ZCWPW2: variants seen among roughly 807,000 people sequenced by gnomAD.
The protein encoded by ZCWPW2 is zinc finger CW-type PWWP domain protein 2.
In ZCWPW2, 45 loss-of-function variants were observed where a neutral mutation model predicts 46.6. That is an observed-to-expected ratio of 0.96 (90% CI 0.76 to 1.24). ZCWPW2 has a LOEUF of 1.24. Ranked by LOEUF, ZCWPW2 falls within the 50% of genes most tolerant of loss-of-function variation. The pLI, the probability that ZCWPW2 is intolerant of heterozygous loss-of-function variation, is 0.00. For synonymous variants in ZCWPW2, 152 were observed against 137.1 expected, an observed-to-expected ratio of 1.11 and a Z score of -0.76; for missense variants, 429 against 403.9, an observed-to-expected ratio of 1.06 and a Z score of -0.53.
intron 1 of ZCWPW2, among the ~76,000 whole-genome samples, chr3:28,389,448 G>A (rs1695402561): frequency 6.6e-6 from 1 of 152,108 alleles, no homozygotes; most frequent in Non-Finnish European, 1.5e-5. Context: ...CCCAGATCTT[G>A]GCTTTTATAA....
chr3:28,493,551 G>A (rs1167739441), intron 6 of ZCWPW2, among the ~76,000 whole-genome samples: 6 of 117,988 alleles, frequency 5.1e-5, no homozygotes, highest in African/African-American at 2.8e-5. Flanking sequence ...GCCTATCATC[G>A]TTGGACATTT....
At chr3:28,386,841 G>A (rs925637617) in intron 1 of ZCWPW2, among the ~76,000 whole-genome samples, 1 of 151,842 alleles carries the variant, frequency 6.6e-6, no homozygotes, top group Non-Finnish European at 1.5e-5. Context: ...TTTGTGATTG[G>A]GTGATCAACT....
chr3:28,429,578 A>G (rs541739537), intron 3 of ZCWPW2, among the ~76,000 whole-genome samples: 2 of 152,354 alleles, frequency 1.3e-5, no homozygotes, highest in Admixed American at 6.5e-5. Flanking sequence ...AGAAATTTGC[A>G]TAGTAACAAG....
At position 28,502,312 on chromosome 3, in the gene ZCWPW2, A is replaced by C. The variant is rs140926310; in HGVS notation, c.657+10139A>C. On this transcript the variant is annotated intron_variant, in intron 6 of 9. Transcript: ENST00000383768. ...AAATCCTTTTATACACCATTTATGA[A>C]GGCAAGCAAAGAATCCCTTGCTTCA... Among the ~76,000 whole-genome samples, 93 of 152,284 alleles carry C rather than the reference A, an allele frequency of 6.1e-4. 2 individuals carry two copies. The East Asian group carries it at 0.015, about 25-fold the overall frequency.
At chr3:28,409,957 G>A (rs1575104002) in intron 2 of ZCWPW2, among the ~76,000 whole-genome samples, 1 of 152,096 alleles carries the variant, frequency 6.6e-6, no homozygotes, top group South Asian at 2.1e-4. Flanking sequence ...GCAGAGATAA[G>A]GAAACCCATA....
rs1189503406 is a variant in ZCWPW2, at chr3:28,348,927, G to C, written c.-410G>C. ...CCCGCCGTCGGGACCAGCACGGGCC[G>C]GAGGGAGGGGAAGCACTCCGGAAAG... is the stretch of plus-strand genomic sequence containing the variant. On this transcript the variant is annotated 5_prime_UTR_variant, in exon 1 of 10. Coordinates refer to ENST00000383768, the MANE Select transcript of ZCWPW2 (RefSeq NM_001040432.4). The C allele has an allele frequency of 1.0e-6, 1 of 983,802 alleles. No individual in the cohort carries two copies. Among genetic ancestry groups the C allele is most frequent in the African/African-American group, 1.7e-5 (1 of 57,202 alleles). 60.9% of individuals were successfully genotyped at this position (983,802 alleles called of 1,614,324 possible).
rs550058135 is a variant in ZCWPW2, at chr3:28,355,795, A to C, written c.-134+6592A>C. Among the ~76,000 whole-genome samples the C allele has an allele frequency of 5.9e-5, 9 of 152,394 alleles. No individual in the cohort carries two copies. In the South Asian group the frequency reaches 1.9e-3, roughly 32 times the overall value. On this transcript the variant is annotated intron_variant, in intron 1 of 9. Transcript: ENST00000383768. ...ATGGTGCTGGGAAAAGTGGCTAGCC[A>C]TATGTAAAAGCTGAAACTGGATCCC... is the stretch of plus-strand genomic sequence containing the variant.
At chr3:28,483,889 T>A (rs1699510252) in intron 5 of ZCWPW2, among the ~76,000 whole-genome samples, 1 of 152,182 alleles carries the variant, frequency 6.6e-6, no homozygotes, top group African/African-American at 2.4e-5. Flanking sequence ...TGGTCTATTC[T>A]TTTGGATTTA....
chr3:28,378,649 A>C (rs1183989605), intron 1 of ZCWPW2, among the ~76,000 whole-genome samples: 1 of 152,162 alleles, frequency 6.6e-6, no homozygotes, highest in African/African-American at 2.4e-5. Flanking sequence ...GATGATGTTC[A>C]ACTGATACAC....
intron 6 of ZCWPW2, among the ~76,000 whole-genome samples, chr3:28,503,444 C>T (rs1360489272): frequency 6.6e-6 from 1 of 152,102 alleles, no homozygotes; most frequent in South Asian, 2.1e-4. Context: ...TCTGAGTTTC[C>T]TCTGAAGTCT....
chr3:28,372,520 G>A (rs1233698104), intron 1 of ZCWPW2, among the ~76,000 whole-genome samples: 1 of 152,176 alleles, frequency 6.6e-6, no homozygotes, highest in African/African-American at 2.4e-5. Flanking sequence ...AACTGGCAAA[G>A]TAAAACTACA....
chr3:28,512,250 T>C (rs1307086674), intron 6 of ZCWPW2, among the ~76,000 whole-genome samples: 1 of 152,054 alleles, frequency 6.6e-6, no homozygotes. Context: ...CAATCTCAAC[T>C]CACTGCAGCC....
At chr3:28,461,257 G>A (rs1192224889) in intron 4 of ZCWPW2, among the ~76,000 whole-genome samples, 6 of 151,938 alleles carry the variant, frequency 3.9e-5, no homozygotes, top group Non-Finnish European at 5.9e-5. Context: ...GTTGTTATGA[G>A]GTTCTCCCAC....
At chr3:28,411,647 C>T (rs959025260) in intron 2 of ZCWPW2, among the ~76,000 whole-genome samples, 2 of 152,028 alleles carry the variant, frequency 1.3e-5, no homozygotes, top group African/African-American at 4.8e-5. Context: ...CATAACCTGG[C>T]TCCAAAGTCT....
intron 4 of ZCWPW2, chr3:28,447,754 G>T: frequency 1.5e-6 from 1 of 677,630 alleles, no homozygotes; most frequent in South Asian, 1.4e-5. Context: ...ACCATCGTAG[G>T]GTTTCCTACA....
intron 9 of ZCWPW2, 73 bp from the exon 10 acceptor site, chr3:28,524,454 T>C (rs1700801711): frequency 6.6e-7 from 1 of 1,507,278 alleles, no homozygotes; most frequent in Non-Finnish European, 9.0e-7. Flanking sequence ...CTTGCAGAAT[T>C]ACTACTTTAT....
At chr3:28,373,484 T>C (rs1048143567) in intron 1 of ZCWPW2, among the ~76,000 whole-genome samples, 1 of 152,154 alleles carries the variant, frequency 6.6e-6, no homozygotes, top group Admixed American at 6.6e-5. Flanking sequence ...TGTTTGTTTT[T>C]TGAGATGGAG....
At chr3:28,460,455 A>C (rs1352416783) in intron 4 of ZCWPW2, among the ~76,000 whole-genome samples, 1 of 152,202 alleles carries the variant, frequency 6.6e-6, no homozygotes, top group African/African-American at 2.4e-5. Context: ...CAATAATTTG[A>C]ATAAGCTGTC....
intron 4 of ZCWPW2, among the ~76,000 whole-genome samples, chr3:28,448,837 G>T (rs1450273451): frequency 2.3e-5 from 2 of 86,492 alleles, no homozygotes; most frequent in African/African-American, 7.7e-5. Context: ...AAAAAAAAAG[G>T]CAATACTACC....
Sources: gnomAD v4.1 joint callset for allele counts (sites outside exome capture counted in the v4.1 genomes callset) on GRCh38, gnomAD v4.1.1 for gene constraint, MANE v1.5 for transcripts, NCBI Gene and HGNC (gene_info 2026-07-23, HGNC 2026-07-21) for gene names.